The following GPR39 variants were observed in gnomAD, a reference collection of about 807,000 sequenced individuals.
The protein encoded by GPR39 is G protein-coupled receptor 39, also known as zinc sensing receptor.
GPR39 carries 23 observed loss-of-function variants against 18.4 expected under a neutral mutation model. The ratio of observed to expected loss-of-function variants is 1.25; its 90% CI spans 0.90 to 1.77. GPR39 has a LOEUF of 1.77. Among genes scored for constraint, GPR39 ranks in the 40% most tolerant of loss-of-function variants. The pLI, the probability that GPR39 is intolerant of heterozygous loss-of-function variation, is 0.00. For missense variants in GPR39, 647 were observed against 602.4 expected (o/e 1.07, Z -0.78); for synonymous variants, 280 against 257.9 (o/e 1.09, Z -0.82).
At chr2:132,461,541 T>C (rs1012797074) in intron 1 of GPR39, among the ~76,000 whole-genome samples, 5 of 152,226 alleles carry the variant, frequency 3.3e-5, no homozygotes, top group Admixed American at 6.5e-5. Context: ...ACAACAGCTG[T>C]AATCATTTTG....
chr2:132,514,603 C>A (rs1679298304), intron 1 of GPR39, among the ~76,000 whole-genome samples: 1 of 152,216 alleles, frequency 6.6e-6, no homozygotes. Flanking sequence ...TCAGGCTTTG[C>A]AGGCTCCTTG....
In GPR39 at chr2:132,635,842, A is replaced by AAGAGGAAG. The variant is rs551095783; in HGVS notation, c.857-9254_857-9247dup. On this transcript the variant is annotated intron_variant, in intron 1 of 1. Transcript: ENST00000329321. ...TGAATAGGACGAGTGAACATAAAAG[A>AAGAGGAAG]AGAGGAAGAGAGCTTCTCCCCACCT... Among the ~76,000 whole-genome samples the AAGAGGAAG allele has an allele frequency of 1.1e-4, 17 of 152,234 alleles. No individual in the cohort carries two copies. In the East Asian group the frequency reaches 3.3e-3, roughly 29 times the overall value.
chr2:132,646,225 G>T lies in GPR39; in HGVS notation c.*619G>T. 2.5e-6 allele frequency: 4 copies of T among 1,595,768 alleles called. No homozygotes were observed. Among genetic ancestry groups the T allele is most frequent in the Non-Finnish European group, 3.4e-6 (4 of 1,169,376 alleles). On this transcript the variant is annotated 3_prime_UTR_variant, in exon 2 of 2. Coordinates refer to ENST00000329321, the MANE Select transcript of GPR39 (RefSeq NM_001508.3). The stretch of plus-strand genomic sequence containing the variant: ...CTGGGGAGCAGAAGGACTGGTACCC[G>T]GCAGAGGCGATGAGACAGGCCGCTG...
intron 1 of GPR39, among the ~76,000 whole-genome samples, chr2:132,532,874 C>G (rs906092316): frequency 2.6e-5 from 4 of 152,280 alleles, no homozygotes; most frequent in Admixed American, 2.0e-4. Context: ...CTATGACAAA[C>G]CCACAGCCAA....
At chr2:132,433,169 CA>C (rs908541675) in intron 1 of GPR39, among the ~76,000 whole-genome samples, 313 of 152,080 alleles carry the variant, frequency 2.1e-3, no homozygotes, top group African/African-American at 7.2e-3. Context: ...AAAATATACA[CA>C]AATCTTTTAT....
chr2:132,628,622 T>C (rs957115011), intron 1 of GPR39, among the ~76,000 whole-genome samples: 2 of 152,182 alleles, frequency 1.3e-5, no homozygotes, highest in Non-Finnish European at 2.9e-5. Flanking sequence ...CTCCTTTAAG[T>C]TTGTAATCAT....
chr2:132,417,916 G>A lies in GPR39; in HGVS notation c.856+18G>A. The stretch of plus-strand genomic sequence containing the variant: ...CTTCCTGAGTGAGTCCTAAGTCGGG[G>A]GCAACACGTGAGCAGCTTCCCAACC... On this transcript the variant is annotated intron_variant, in intron 1 of 1. Transcript: ENST00000329321. The A allele has an allele frequency of 6.4e-7, 1 of 1,555,600 alleles. No homozygotes were observed. The highest frequency in any genetic ancestry group is 8.7e-7 in the Non-Finnish European group (1 of 1,153,268).
At chr2:132,517,044 T>C (rs1679347106) in intron 1 of GPR39, among the ~76,000 whole-genome samples, 1 of 151,986 alleles carries the variant, frequency 6.6e-6, no homozygotes, top group Non-Finnish European at 1.5e-5. Context: ...TATAATAAGA[T>C]AAAATGCGCA....
intron 1 of GPR39, among the ~76,000 whole-genome samples, chr2:132,634,117 G>A (rs983205865): frequency 2.7e-5 from 4 of 146,296 alleles, no homozygotes; most frequent in African/African-American, 8.3e-5. Context: ...GATGATGGTG[G>A]CCATAGTAGG....
chr2:132,615,442 T>C (rs575536112), intron 1 of GPR39, among the ~76,000 whole-genome samples: 1 of 152,232 alleles, frequency 6.6e-6, no homozygotes, highest in African/African-American at 2.4e-5. Context: ...AAAAACTTTA[T>C]TTCACCCCAT....
At chr2:132,515,380 C>A (rs182894089) in intron 1 of GPR39, among the ~76,000 whole-genome samples, 1 of 152,190 alleles carries the variant, frequency 6.6e-6, no homozygotes, top group African/African-American at 2.4e-5. Flanking sequence ...GTATCCCCTG[C>A]AGCTAAAACA....
chr2:132,566,004 T>C, intron 1 of GPR39, among the ~76,000 whole-genome samples: 3 of 90,638 alleles, frequency 3.3e-5, no homozygotes, highest in African/African-American at 1.3e-4. Context: ...TGAACTAGTT[T>C]ACAGTCCCAC....
chr2:132,624,074 C>T (rs1284029813), intron 1 of GPR39, among the ~76,000 whole-genome samples: 4 of 152,172 alleles, frequency 2.6e-5, no homozygotes, highest in African/African-American at 4.8e-5. Flanking sequence ...GATAAAATAA[C>T]GTGGGTTCGG....
chr2:132,471,242 A>G (rs1225097010), intron 1 of GPR39, among the ~76,000 whole-genome samples: 1 of 152,070 alleles, frequency 6.6e-6, no homozygotes, highest in Non-Finnish European at 1.5e-5. Flanking sequence ...ATGAGATGAG[A>G]ATAGTCCATC....
At chr2:132,621,646 T>C (rs1344372535) in intron 1 of GPR39, among the ~76,000 whole-genome samples, 1 of 152,092 alleles carries the variant, frequency 6.6e-6, no homozygotes, top group Non-Finnish European at 1.5e-5. Flanking sequence ...ACAGCTGGGG[T>C]GCCACAGAAG....
At chr2:132,436,033 G>C (rs943457782) in intron 1 of GPR39, among the ~76,000 whole-genome samples, 1 of 152,188 alleles carries the variant, frequency 6.6e-6, no homozygotes, top group African/African-American at 2.4e-5. Context: ...AGACTCTCAG[G>C]TGGCCCCAGC....
At chr2:132,596,043 C>A (rs900602362) in intron 1 of GPR39, among the ~76,000 whole-genome samples, 6 of 152,258 alleles carry the variant, frequency 3.9e-5, no homozygotes, top group African/African-American at 1.4e-4. Flanking sequence ...ATCACCTGAG[C>A]CCCACTGGCT....
chr2:132,517,799 C>A (rs1232558410), intron 1 of GPR39, among the ~76,000 whole-genome samples: 1 of 152,254 alleles, frequency 6.6e-6, no homozygotes, highest in South Asian at 2.1e-4. Context: ...GATGGAAAAT[C>A]GGAAACAAGC....
intron 1 of GPR39, among the ~76,000 whole-genome samples, chr2:132,622,672 G>A (rs1681463936): frequency 6.6e-6 from 1 of 152,202 alleles, no homozygotes; most frequent in South Asian, 2.1e-4. Context: ...TCTTTTTGTG[G>A]CAATTGATTG....
Sources: allele counts gnomAD v4.1 joint callset (sites outside exome capture counted in the v4.1 genomes callset), GRCh38; gene constraint gnomAD v4.1.1; transcripts MANE v1.5; gene names NCBI Gene and HGNC (gene_info 2026-07-23, HGNC 2026-07-21).